CFAP61: variants seen among roughly 807,000 people sequenced by gnomAD.
The protein encoded by CFAP61 is cilia- and flagella-associated protein 61.
In CFAP61, 107 loss-of-function variants were observed where a neutral mutation model predicts 135.6. The observed-to-expected ratio is 0.79, with a 90% CI of 0.67 to 0.93. The LOEUF is 0.93. Among genes scored for constraint, CFAP61 ranks in the 40% least tolerant of loss-of-function variants. CFAP61 has a pLI of 0.00. For missense variants in CFAP61, 1,507 were observed against 1,556.2 expected (o/e 0.97, Z 0.53); for synonymous variants, 575 against 578.5 (o/e 0.99, Z 0.09).
At chr20:20,060,148 G>A (rs1394836105) in intron 2 of CFAP61, among the ~76,000 whole-genome samples, 1 of 151,718 alleles carries the variant, frequency 6.6e-6, no homozygotes, top group East Asian at 1.9e-4. Context: ...AGCCACAATA[G>A]TAGTCAGAAG....
chr20:20,321,959 A>T (rs966932141), intron 25 of CFAP61, among the ~76,000 whole-genome samples: 1 of 152,192 alleles, frequency 6.6e-6, no homozygotes, highest in Non-Finnish European at 1.5e-5. Context: ...CTTGTTTGCT[A>T]GAATATTCCC....
intron 26 of CFAP61, among the ~76,000 whole-genome samples, chr20:20,352,102 C>T (rs910535466): frequency 4.6e-5 from 7 of 152,198 alleles, no homozygotes; most frequent in African/African-American, 1.7e-4. Flanking sequence ...TTAATTGACT[C>T]ACAGTTCCAT....
intron 8 of CFAP61, among the ~76,000 whole-genome samples, chr20:20,125,851 C>T (rs2050028070): frequency 6.6e-6 from 1 of 151,790 alleles, no homozygotes. Flanking sequence ...TGCTGTCTAT[C>T]TCATTGCTTA....
At chr20:20,216,855 A>G (rs1017123559) in intron 17 of CFAP61, among the ~76,000 whole-genome samples, 1 of 151,804 alleles carries the variant, frequency 6.6e-6, no homozygotes, top group African/African-American at 2.4e-5. Flanking sequence ...AAAGACTTAG[A>G]TCTTTATTTT....
At chr20:20,302,342 G>A (rs949729741) in intron 25 of CFAP61, among the ~76,000 whole-genome samples, 14 of 151,990 alleles carry the variant, frequency 9.2e-5, no homozygotes, top group Admixed American at 5.9e-4. Context: ...TCCTTTTCTT[G>A]CCTTACTGCA....
chr20:20,248,780 C>T (rs1030599850), intron 19 of CFAP61, among the ~76,000 whole-genome samples: 3 of 152,204 alleles, frequency 2.0e-5, no homozygotes, highest in Non-Finnish European at 4.4e-5. Context: ...TAACTGCACA[C>T]CTGGAGCTTT....
At chr20:20,076,690 T>G (rs1253131886) in intron 6 of CFAP61, among the ~76,000 whole-genome samples, 2 of 152,266 alleles carry the variant, frequency 1.3e-5, no homozygotes, top group Non-Finnish European at 2.9e-5. Flanking sequence ...ATGCTGACTT[T>G]CTTTAGAAAA....
chr20:20,280,985 G>GT (rs2054159032), intron 22 of CFAP61, among the ~76,000 whole-genome samples: 1 of 151,698 alleles, frequency 6.6e-6, no homozygotes, highest in Non-Finnish European at 1.5e-5. Flanking sequence ...GTATCTTTTC[G>GT]TTTTTTTAGT....
At chr20:20,355,012 TGCAA>T (rs2059017182) in intron 26 of CFAP61, among the ~76,000 whole-genome samples, 2 of 122,246 alleles carry the variant, frequency 1.6e-5, no homozygotes, top group African/African-American at 6.4e-5. Context: ...ATGGTCACAC[TGCAA>T]GAGGGGAGGT....
At chr20:20,093,528 G>A (rs542126326) in intron 7 of CFAP61, among the ~76,000 whole-genome samples, 1 of 150,766 alleles carries the variant, frequency 6.6e-6, no homozygotes, top group South Asian at 2.1e-4. Context: ...TCCACCTCCC[G>A]GGTTCAAGTG....
At chr20:20,290,254 C>T (rs1222482571) in intron 23 of CFAP61, 46 bp from the exon 24 acceptor site, 1 of 1,191,586 alleles carries the variant, frequency 8.4e-7, no homozygotes. Flanking sequence ...TGTTACTCAC[C>T]TCATTAACAA....
intron 2 of CFAP61, among the ~76,000 whole-genome samples, chr20:20,070,074 C>A (rs1041031436): frequency 6.6e-6 from 1 of 152,158 alleles, no homozygotes; most frequent in African/African-American, 2.4e-5. Flanking sequence ...TTAAGTCTTG[C>A]TGCCTTGATG....
chr20:20,063,472 A>G (rs1184330808), intron 2 of CFAP61, among the ~76,000 whole-genome samples: 3 of 152,218 alleles, frequency 2.0e-5, no homozygotes, highest in Non-Finnish European at 4.4e-5. Flanking sequence ...TGATTAGTCT[A>G]ATTCATCAAA....
At position 20,290,368 on chromosome 20, in the gene CFAP61, G is replaced by A; in HGVS notation, c.3193G>A (p.Val1065Ile). The A allele has an allele frequency of 6.2e-7, 1 of 1,609,132 alleles. No homozygotes were observed. Among genetic ancestry groups the A allele is most frequent in the South Asian group, 1.1e-5 (1 of 90,992 alleles). ...AKPAIPTPLE[V>I]QMAQPNYGLE... ...GCCTGCCATTCCAACTCCCTTGGAG[G>A]TACAAATGGCACAGCCTAATTATGT... The change falls in exon 24 of 27, where the codon GTA (valine) becomes ATA (isoleucine). Residue 1065 changes from valine (V) to isoleucine (I), a missense_variant. Physicochemically the swap from Val to Ile is conservative, Grantham distance 29 (BLOSUM62 3). Transcript: ENST00000245957.
intron 8 of CFAP61, among the ~76,000 whole-genome samples, chr20:20,123,968 TA>T (rs1357538214): frequency 1.6e-5 from 2 of 127,426 alleles, no homozygotes; most frequent in East Asian, 4.5e-4. Context: ...TGTATATTCC[TA>T]AGTTTTTTTT....
At chr20:20,163,470 T>C (rs2053567148) in intron 10 of CFAP61, among the ~76,000 whole-genome samples, 2 of 152,156 alleles carry the variant, frequency 1.3e-5, no homozygotes, top group South Asian at 4.1e-4. Flanking sequence ...TTATAATATG[T>C]ATATAATACT....
At chr20:20,252,755 G>A (rs2051049633) in intron 20 of CFAP61, among the ~76,000 whole-genome samples, 1 of 152,346 alleles carries the variant, frequency 6.6e-6, no homozygotes, top group South Asian at 2.1e-4. Context: ...CGCAGAGGAG[G>A]CAGCGCATGA....
chr20:20,074,419 C>T, intron 4 of CFAP61, 41 bp downstream of exon 4: 1 of 1,502,446 alleles, frequency 6.7e-7, no homozygotes, highest in Middle Eastern at 1.7e-4. Flanking sequence ...ATGAAAGAGA[C>T]TGTGTGGATA....
At chr20:20,133,862 A>C (rs894197497) in intron 8 of CFAP61, among the ~76,000 whole-genome samples, 1 of 152,238 alleles carries the variant, frequency 6.6e-6, no homozygotes, top group Non-Finnish European at 1.5e-5. Flanking sequence ...ACCACATCCC[A>C]GGTAGGAGGA....
Sources: gnomAD v4.1 joint callset for allele counts (sites outside exome capture counted in the v4.1 genomes callset) on GRCh38, gnomAD v4.1.1 for gene constraint, MANE v1.5 for transcripts, NCBI Gene and HGNC (gene_info 2026-07-23, HGNC 2026-07-21) for gene names.